The following ZC3H8 variants were observed in gnomAD, a reference collection of about 807,000 sequenced individuals.
ZC3H8 encodes the protein zinc finger CCCH-type containing 8, also known as zinc finger CCCH domain-containing protein 8.
A neutral mutation model predicts 42.5 loss-of-function variants in ZC3H8; 27 were observed. The observed-to-expected ratio is 0.64, with a 90% CI of 0.47 to 0.88. The LOEUF is 0.88. ZC3H8 is among the 40% of genes least tolerant of loss of function. The probability of loss-of-function intolerance (pLI) is 0.00; values close to 1 mark genes in which losing one functional copy is unlikely to be tolerated. For missense variants in ZC3H8, 277 were observed against 336.1 expected, an observed-to-expected ratio of 0.82 and a Z score of 1.37; for synonymous variants, 101 against 110.1, an observed-to-expected ratio of 0.92 and a Z score of 0.52.
At position 112,233,289 on chromosome 2, in the gene ZC3H8, G is replaced by A; in HGVS notation, c.704C>T (p.Thr235Ile). 2 of 1,597,136 alleles carry A rather than the reference G, an allele frequency of 1.3e-6. No individual in the cohort carries two copies. The highest frequency in any genetic ancestry group is 2.3e-5 in the South Asian group (2 of 88,328). The stretch of plus-strand genomic sequence containing the variant: ...CAAATACAGACAGTTTTCACCTCTG[G>A]TACAATATCCTTGTACATAAAACTT... Reference protein sequence around the residue: ...MCKFYVQGYCTRGENCLYLHN... With the variant: ...MCKFYVQGYCIRGENCLYLHN... The change falls in exon 6 of 9, where the codon ACC becomes ATC. Residue 235 changes from threonine to isoleucine, a missense_variant. By Grantham distance (89) the Thr-to-Ile change is moderately conservative. Coordinates refer to ENST00000409573, the MANE Select transcript of ZC3H8 (RefSeq NM_032494.3).
Position 112,236,736 on chromosome 2 carries a change from C to T in ZC3H8, c.371-41G>A, listed in dbSNP as rs201561929. ...TAATTTAAAAAATGACATAAAGTTACAATAGCAGTTTACTTTTAAGAAGTA... is the reference window on the plus strand; with the variant it reads ...TAATTTAAAAAATGACATAAAGTTATAATAGCAGTTTACTTTTAAGAAGTA... On this transcript the variant is annotated intron_variant, in intron 3 of 8. Transcript: ENST00000409573. The T allele has an allele frequency of 7.2e-6, 11 of 1,533,998 alleles. No homozygotes were observed. The East Asian group carries it at 1.7e-4, about 23-fold the overall frequency.
At chr2:112,242,329 TCA>T (rs1368293975) in intron 2 of ZC3H8, among the ~76,000 whole-genome samples, 1 of 152,202 alleles carries the variant, frequency 6.6e-6, no homozygotes, top group Non-Finnish European at 1.5e-5. Context: ...AATTTAAATT[TCA>T]GAGTCCATAA....
Position 112,248,195 on chromosome 2 carries a change from G to A in ZC3H8, c.156+1996C>T, listed in dbSNP as rs1002163023. On this transcript the variant is annotated intron_variant, in intron 2 of 8. Transcript: ENST00000409573. ...ACAACAATTAGCCAGGTGTGGTGGC[G>A]TGTGCCTGTAGTCCCAGCTACTCGG... 3.9e-5 allele frequency among the ~76,000 whole-genome samples: 6 copies of A among 151,948 alleles called. No homozygotes were observed. In the East Asian group the frequency reaches 9.7e-4, roughly 25 times the overall value.
At chr2:112,243,534 A>G (rs1419555844) in intron 2 of ZC3H8, among the ~76,000 whole-genome samples, 2 of 152,218 alleles carry the variant, frequency 1.3e-5, no homozygotes, top group Non-Finnish European at 1.5e-5. Context: ...AATTTTGATA[A>G]GGAACAGTAA....
intron 8 of ZC3H8, among the ~76,000 whole-genome samples, chr2:112,223,428 GTGT>G (rs1370711156): frequency 6.6e-6 from 1 of 151,954 alleles, no homozygotes; most frequent in African/African-American, 2.4e-5. Context: ...AAAGAAATGA[GTGT>G]TGAATTTAGC....
At chr2:112,244,013 T>A (rs1178527692) in intron 2 of ZC3H8, among the ~76,000 whole-genome samples, 1 of 134,906 alleles carries the variant, frequency 7.4e-6, no homozygotes, top group East Asian at 1.9e-4. Flanking sequence ...TATCTTGGGA[T>A]ATAAAGAAAA....
At position 112,232,302 on chromosome 2, in the gene ZC3H8, A is replaced by G. The variant is rs188576016; in HGVS notation, c.734-355T>C. ...TGCACTCCAGCCTGGGCAACAGAGCAAGATAATGTCTCAAAAAAAAAAAAA... is the reference window on the plus strand; with the variant it reads ...TGCACTCCAGCCTGGGCAACAGAGCGAGATAATGTCTCAAAAAAAAAAAAA... On this transcript the variant is annotated intron_variant, in intron 6 of 8. Transcript: ENST00000409573. Among the ~76,000 whole-genome samples the G allele has an allele frequency of 8.1e-4, 121 of 148,914 alleles. 1 individual carries two copies. Among genetic ancestry groups the G allele is most frequent in the Non-Finnish European group, 4.5e-4 (30 of 66,720 alleles).
Position 112,236,556 on chromosome 2 carries a change from C to T in ZC3H8, c.504+6G>A. Reference sequence around the variant, plus strand: ...CAGGTATTCCTAGAAGCATATATTCCAATACCTCTTCCTGTGAGCCGCTGT... The same window carrying T: ...CAGGTATTCCTAGAAGCATATATTCTAATACCTCTTCCTGTGAGCCGCTGT... On this transcript the variant is annotated splice_donor_region_variant and intron_variant, in intron 4 of 8. Coordinates refer to ENST00000409573, the MANE Select transcript of ZC3H8 (RefSeq NM_032494.3). The T allele has an allele frequency of 6.2e-7, 1 of 1,612,162 alleles. No individual in the cohort carries two copies. The highest frequency in any genetic ancestry group is 8.5e-7 in the Non-Finnish European group (1 of 1,179,396).
intron 8 of ZC3H8, among the ~76,000 whole-genome samples, chr2:112,220,497 T>G (rs1420598670): frequency 6.6e-6 from 1 of 152,168 alleles, no homozygotes; most frequent in Non-Finnish European, 1.5e-5. Context: ...CTTGTAGGGT[T>G]GCTGCTGATA....
chr2:112,231,533 G>C (rs1461833058), intron 7 of ZC3H8, among the ~76,000 whole-genome samples: 1 of 152,044 alleles, frequency 6.6e-6, no homozygotes, highest in Non-Finnish European at 1.5e-5. Flanking sequence ...TTTATAACAG[G>C]AGTACTATTT....
Position 112,238,379 on chromosome 2 carries a change from T to C in ZC3H8, c.306A>G (p.Glu102=), listed in dbSNP as rs1685439594. Residue 102 remains glutamate (E), a synonymous_variant, in exon 3 of 9, where the codon GAA becomes GAG. Transcript: ENST00000409573. ...KELQQYIQAR[E]MANAAQPEES... Reference sequence around the variant, plus strand: ...CTTCAGGTTGAGCAGCATTTGCCATTTCTCTGGCTTGTATGTACTGTTGAA... The same window carrying C: ...CTTCAGGTTGAGCAGCATTTGCCATCTCTCTGGCTTGTATGTACTGTTGAA... 1.2e-6 allele frequency: 2 copies of C among 1,613,652 alleles called. No individual in the cohort carries two copies. The highest frequency in any genetic ancestry group is 1.1e-5 in the South Asian group (1 of 91,088).
chr2:112,236,030 G>A (rs969404072), intron 4 of ZC3H8, among the ~76,000 whole-genome samples: 2 of 151,372 alleles, frequency 1.3e-5, no homozygotes, highest in Admixed American at 6.6e-5. Context: ...GGTGGGAGCC[G>A]AGGCAGGTGG....
intron 8 of ZC3H8, among the ~76,000 whole-genome samples, chr2:112,218,100 A>C (rs1172635444): frequency 2.0e-5 from 3 of 152,244 alleles, no homozygotes; most frequent in Non-Finnish European, 4.4e-5. Flanking sequence ...AAAACAACTC[A>C]TTCAGCTTGC....
chr2:112,221,202 A>G (rs1195672705), intron 8 of ZC3H8, among the ~76,000 whole-genome samples: 1 of 152,120 alleles, frequency 6.6e-6, no homozygotes, highest in African/African-American at 2.4e-5. Flanking sequence ...TTGAATTGTA[A>G]TCCCCAGTGT....
chr2:112,236,320 C>T (rs1244948031), intron 4 of ZC3H8, among the ~76,000 whole-genome samples: 1 of 152,066 alleles, frequency 6.6e-6, no homozygotes, highest in Non-Finnish European at 1.5e-5. Context: ...TCAGGAACAA[C>T]AGTGAGAACG....
rs1020700286 is a variant in ZC3H8, at chr2:112,212,380, T to G, written c.*4104A>C. 3 of 152,246 alleles carry G rather than the reference T, an allele frequency of 2.0e-5. No individual in the cohort carries two copies. The highest frequency in any genetic ancestry group is 7.2e-5 in the African/African-American group (3 of 41,458). 9.4% of individuals were successfully genotyped at this position (152,246 alleles called of 1,614,324 possible). On this transcript the variant is annotated 3_prime_UTR_variant, in exon 9 of 9. Coordinates refer to ENST00000409573, the MANE Select transcript of ZC3H8 (RefSeq NM_032494.3). ...ACTTCCTTAAACCTGTTTCTTAATG[T>G]GTGCTCTTTGCAGGAGCTGAATACA...
At chr2:112,250,650 G>C (rs1308711203) in intron 1 of ZC3H8, among the ~76,000 whole-genome samples, 1 of 152,148 alleles carries the variant, frequency 6.6e-6, no homozygotes, top group Non-Finnish European at 1.5e-5. Context: ...TGTTCTGAGA[G>C]CTTTCTATCT....
intron 3 of ZC3H8, among the ~76,000 whole-genome samples, chr2:112,237,093 A>G (rs1300303990): frequency 6.6e-6 from 1 of 152,212 alleles, no homozygotes; most frequent in African/African-American, 2.4e-5. Context: ...ATGATTTACA[A>G]TAATTGAGGA....
chr2:112,249,735 C>T lies in ZC3H8; in HGVS notation c.156+456G>A, dbSNP rs576950747. Among the ~76,000 whole-genome samples the T allele has an allele frequency of 3.4e-4, 52 of 152,284 alleles. 1 individual carries two copies. The South Asian group carries it at 0.01, about 30-fold the overall frequency. ...CTGGGACTACAGGCGTGAGCCACCG[C>T]GCCCAGCCAAGTTCTGTTGTTTAAG... On this transcript the variant is annotated intron_variant, in intron 2 of 8. Transcript: ENST00000409573.
Sources: gnomAD v4.1 joint callset for allele counts (sites outside exome capture counted in the v4.1 genomes callset) on GRCh38, gnomAD v4.1.1 for gene constraint, MANE v1.5 for transcripts, NCBI Gene and HGNC (gene_info 2026-07-23, HGNC 2026-07-21) for gene names.